Variants in DPYD observed in about 807,000 individuals in gnomAD.
DPYD encodes dihydropyrimidine dehydrogenase.
Under a neutral mutation model 116.2 loss-of-function variants are expected in DPYD, and 109 were observed. That is an observed-to-expected ratio of 0.94 (90% confidence interval 0.80 to 1.10). The LOEUF (loss-of-function observed/expected upper bound fraction) is 1.10, where lower values mean the gene tolerates loss of function less well. Among genes scored for constraint, DPYD ranks in the 50% least tolerant of loss-of-function variants. The pLI is 0.00. For missense variants in DPYD, 1,302 were observed against 1,254.5 expected (o/e 1.04, Z -0.57); for synonymous variants, 440 against 432.0 (o/e 1.02, Z -0.23).
At chr1:97,556,152 C>T (rs1254238260) in intron 11 of DPYD, among the ~76,000 whole-genome samples, 1 of 152,076 alleles carries the variant, frequency 6.6e-6, no homozygotes, top group East Asian at 1.9e-4. Flanking sequence ...GTTGGACAGG[C>T]ACCTAAGGTG....
intron 3 of DPYD, among the ~76,000 whole-genome samples, chr1:97,766,197 C>T (rs534060350): frequency 8.5e-5 from 13 of 152,110 alleles, no homozygotes; most frequent in African/African-American, 2.7e-4. Context: ...GCCGAGATTG[C>T]GCCATTGCAC....
chr1:97,523,397 T>C (rs1357720749), intron 12 of DPYD, among the ~76,000 whole-genome samples: 1 of 152,132 alleles, frequency 6.6e-6, no homozygotes, highest in Non-Finnish European at 1.5e-5. Flanking sequence ...ACAATAAAAT[T>C]TCTAAAAATT....
intron 12 of DPYD, among the ~76,000 whole-genome samples, chr1:97,533,580 T>A (rs1458161797): frequency 1.3e-5 from 2 of 151,968 alleles, no homozygotes; most frequent in African/African-American, 4.8e-5. Flanking sequence ...CCATGTAACA[T>A]AAAGGAGTCA....
At chr1:97,138,441 G>A (rs776604248) in intron 20 of DPYD, among the ~76,000 whole-genome samples, 3 of 152,156 alleles carry the variant, frequency 2.0e-5, no homozygotes, top group Non-Finnish European at 4.4e-5. Flanking sequence ...CACTGTGGTA[G>A]TATTGCTCTT....
chr1:97,827,029 G>C (rs1669273646), intron 3 of DPYD, among the ~76,000 whole-genome samples: 1 of 151,962 alleles, frequency 6.6e-6, no homozygotes, highest in Non-Finnish European at 1.5e-5. Flanking sequence ...AATAGAAGTG[G>C]CTTCAAAATG....
chr1:97,593,166 T>G (rs781133577), intron 10 of DPYD, 52 bp downstream of exon 10: 4 of 1,585,048 alleles, frequency 2.5e-6, no homozygotes, highest in Non-Finnish European at 3.5e-6. Flanking sequence ...CAGTTTCATC[T>G]CCTAAAATCT....
rs772544099 is a variant in DPYD, at chr1:97,079,100, G to C, written c.2954C>G (p.Thr985Ser). ...GAGACACAGAGTACAGCCTGTACAA[G>C]TGTCGGTTATGGTGGGCAGGTGGGT... Reference protein sequence around the residue: ...PETHLPTITDTCTGCTLCLSV... With the variant: ...PETHLPTITDSCTGCTLCLSV... Residue 985 changes from threonine (T) to serine (S), a missense_variant, in exon 23 of 23, where the codon ACT (threonine) becomes AGT (serine). Coordinates refer to ENST00000370192, the MANE Select transcript of DPYD (RefSeq NM_000110.4). 1.2e-6 allele frequency: 2 copies of C among 1,613,604 alleles called. No homozygotes were observed. Among genetic ancestry groups the C allele is most frequent in the Non-Finnish European group, 1.7e-6 (2 of 1,179,726 alleles).
intron 19 of DPYD, among the ~76,000 whole-genome samples, chr1:97,219,990 T>C (rs149055138): frequency 3.4e-4 from 52 of 152,246 alleles, no homozygotes; most frequent in African/African-American, 1.2e-3. Context: ...TTGATATTTA[T>C]ACTGTTGCTC....
chr1:97,668,374 T>C (rs1659676434), intron 8 of DPYD, among the ~76,000 whole-genome samples: 1 of 152,056 alleles, frequency 6.6e-6, no homozygotes, highest in Non-Finnish European at 1.5e-5. Context: ...AAATGTAAAA[T>C]AGAGATATGA....
chr1:97,396,956 G>C (rs911633597), intron 14 of DPYD, among the ~76,000 whole-genome samples: 2 of 151,980 alleles, frequency 1.3e-5, no homozygotes, highest in African/African-American at 2.4e-5. Context: ...GACTGTGTCA[G>C]ATAGATGTTT....
chr1:97,261,254 G>A (rs1663854523), intron 18 of DPYD, among the ~76,000 whole-genome samples: 2 of 152,018 alleles, frequency 1.3e-5, no homozygotes, highest in African/African-American at 4.8e-5. Context: ...AGAAAGGGAA[G>A]GGGAGCTAAT....
At chr1:97,737,600 AGT>A (rs771893479) in intron 4 of DPYD, among the ~76,000 whole-genome samples, 5 of 152,156 alleles carry the variant, frequency 3.3e-5, no homozygotes, top group Non-Finnish European at 4.4e-5. Context: ...GTTTGATAAG[AGT>A]ATAAACCATT....
At chr1:97,257,636 G>T (rs1663589846) in intron 18 of DPYD, among the ~76,000 whole-genome samples, 4 of 151,696 alleles carry the variant, frequency 2.6e-5, no homozygotes, top group Admixed American at 2.6e-4. Flanking sequence ...TTTAAAAAAA[G>T]TTTCATACCA....
intron 2 of DPYD, among the ~76,000 whole-genome samples, chr1:97,880,975 T>TA (rs1558028554): frequency 6.6e-6 from 1 of 152,018 alleles, no homozygotes; most frequent in Non-Finnish European, 1.5e-5. Context: ...CTCCATTGAG[T>TA]AAATAATGCC....
At chr1:97,183,061 T>C (rs1400797001) in intron 20 of DPYD, among the ~76,000 whole-genome samples, 1 of 151,698 alleles carries the variant, frequency 6.6e-6, no homozygotes, top group Admixed American at 6.6e-5. Flanking sequence ...TTTTTTCTTG[T>C]ATGGTTAGTG....
At chr1:97,730,232 C>T (rs551594042) in intron 4 of DPYD, among the ~76,000 whole-genome samples, 1 of 152,092 alleles carries the variant, frequency 6.6e-6, no homozygotes, top group Admixed American at 6.6e-5. Context: ...TACTTATCGT[C>T]TTCTTTTTAG....
At chr1:97,177,566 C>CTT (rs77118571) in intron 20 of DPYD, among the ~76,000 whole-genome samples, 35 of 135,194 alleles carry the variant, frequency 2.6e-4, no homozygotes, top group African/African-American at 6.4e-4. Flanking sequence ...TTCTTTCTTT[C>CTT]TTTTTTTTTT....
chr1:97,691,680 T>C (rs772918667), intron 7 of DPYD, 37 bp downstream of exon 7: 9 of 1,548,984 alleles, frequency 5.8e-6, no homozygotes, highest in Admixed American at 1.7e-5. Flanking sequence ...CTCCTTTCTT[T>C]TTGAGCAGTA....
chr1:97,826,268 T>G (rs1669240776), intron 3 of DPYD, among the ~76,000 whole-genome samples: 3 of 152,216 alleles, frequency 2.0e-5, no homozygotes, highest in African/African-American at 7.2e-5. Context: ...TTGGCAGAAT[T>G]TAATCATCTC....
Sources: allele counts gnomAD v4.1 joint callset (sites outside exome capture counted in the v4.1 genomes callset), GRCh38; gene constraint gnomAD v4.1.1; transcripts MANE v1.5; gene names NCBI Gene and HGNC (gene_info 2026-07-23, HGNC 2026-07-21).